Variants in UBE2E2 observed in about 807,000 individuals in gnomAD.
The protein encoded by UBE2E2 is ubiquitin-conjugating enzyme E2 E2.
Under a neutral mutation model 24.7 loss-of-function variants are expected in UBE2E2, and 6 were observed. The observed-to-expected ratio is 0.24, with a 90% confidence interval of 0.13 to 0.48. UBE2E2 has a LOEUF of 0.48. UBE2E2 is among the 20% of genes least tolerant of loss of function. The probability of loss-of-function intolerance (pLI) is 0.99; values close to 1 mark genes in which losing one functional copy is unlikely to be tolerated. For synonymous variants in UBE2E2, 104 were observed against 83.6 expected (o/e 1.24, Z -1.33); for missense variants, 169 against 245.0 (o/e 0.69, Z 2.07).
intron 2 of UBE2E2, among the ~76,000 whole-genome samples, chr3:23,209,719 C>G (rs899882142): frequency 6.6e-6 from 1 of 152,120 alleles, no homozygotes; most frequent in African/African-American, 2.4e-5. Flanking sequence ...GAACTCCTTT[C>G]TCAAAGATAA....
chr3:23,480,461 C>T (rs2125441659), intron 3 of UBE2E2, among the ~76,000 whole-genome samples: 1 of 152,266 alleles, frequency 6.6e-6, no homozygotes, highest in African/African-American at 2.4e-5. Flanking sequence ...GCACAGGGCT[C>T]CTGCCCCGCC....
chr3:23,392,235 T>C (rs1006714660), intron 3 of UBE2E2, among the ~76,000 whole-genome samples: 18 of 152,294 alleles, frequency 1.2e-4, no homozygotes, highest in African/African-American at 4.3e-4. Flanking sequence ...ATATATAACA[T>C]TATGCTAGCA....
intron 5 of UBE2E2, among the ~76,000 whole-genome samples, chr3:23,572,635 A>G (rs1380943689): frequency 1.3e-5 from 2 of 152,110 alleles, no homozygotes; most frequent in East Asian, 1.9e-4. Context: ...ACAATGCAGT[A>G]TTTGGTTTTC....
intron 3 of UBE2E2, among the ~76,000 whole-genome samples, chr3:23,373,528 TC>T (rs896652201): frequency 6.6e-6 from 1 of 152,044 alleles, no homozygotes; most frequent in Non-Finnish European, 1.5e-5. Context: ...GGAAAACACT[TC>T]CAGTTAAGTT....
intron 3 of UBE2E2, among the ~76,000 whole-genome samples, chr3:23,244,079 G>A (rs1300328476): frequency 6.1e-5 from 9 of 147,938 alleles, no homozygotes; most frequent in African/African-American, 2.2e-4. Flanking sequence ...TTTATAGGAA[G>A]AATATCAATT....
At chr3:23,560,819 GA>G (rs1695909695) in intron 5 of UBE2E2, among the ~76,000 whole-genome samples, 2 of 152,182 alleles carry the variant, frequency 1.3e-5, no homozygotes, top group South Asian at 4.1e-4. Context: ...GATGGCCAGT[GA>G]TGATGAGCAT....
At chr3:23,290,018 G>C (rs1698719701) in intron 3 of UBE2E2, among the ~76,000 whole-genome samples, 1 of 152,166 alleles carries the variant, frequency 6.6e-6, no homozygotes, top group Non-Finnish European at 1.5e-5. Flanking sequence ...CATTTCTAAG[G>C]GGAAATTTGA....
At chr3:23,454,422 G>A (rs1698630271) in intron 3 of UBE2E2, among the ~76,000 whole-genome samples, 1 of 152,150 alleles carries the variant, frequency 6.6e-6, no homozygotes, top group Admixed American at 6.5e-5. Flanking sequence ...CTTTAAGGGA[G>A]GTCTCATGTC....
At position 23,532,631 on chromosome 3, in the gene UBE2E2, C is replaced by T; in HGVS notation, c.438C>T (p.Asn146=). 2.5e-6 allele frequency: 4 copies of T among 1,579,424 alleles called. No individual in the cohort carries two copies. Among genetic ancestry groups the T allele is most frequent in the Non-Finnish European group, 3.5e-6 (4 of 1,155,882 alleles). ...TCTGTCTGGACATCTTAAAGGACAA[C>T]TGGAGTCCGGCTTTAACTATTTCTA... ...GVICLDILKD[N]WSPALTISKV... The change falls in exon 5 of 6, where the codon AAC becomes AAT. Residue 146 remains asparagine, a synonymous_variant. Coordinates refer to ENST00000396703, the MANE Select transcript of UBE2E2 (RefSeq NM_152653.4).
At chr3:23,533,072 T>G (rs1695162065) in intron 5 of UBE2E2, among the ~76,000 whole-genome samples, 1 of 152,224 alleles carries the variant, frequency 6.6e-6, no homozygotes, top group Non-Finnish European at 1.5e-5. Flanking sequence ...GAATGTGGGC[T>G]ATTAAAATCT....
At chr3:23,442,355 A>AC (rs139447193) in intron 3 of UBE2E2, among the ~76,000 whole-genome samples, 6,098 of 151,438 alleles carry the variant, frequency 0.04, 431 homozygotes, top group African/African-American at 0.14. Context: ...CTCCCACCCA[A>AC]CCCCCCAAAA....
intron 3 of UBE2E2, among the ~76,000 whole-genome samples, chr3:23,353,347 A>G (rs1237384547): frequency 1.3e-5 from 2 of 151,978 alleles, no homozygotes; most frequent in Non-Finnish European, 2.9e-5. Context: ...GCCCTCTCTC[A>G]CCACTCCTAT....
rs895441738 is a variant in UBE2E2 at position 23,383,572 on chromosome 3, G to T, written c.228-116036G>T. Among the ~76,000 whole-genome samples, 4 of 151,988 alleles carry T rather than the reference G, an allele frequency of 2.6e-5. No individual in the cohort carries two copies. The East Asian group carries it at 5.8e-4, about 22-fold the overall frequency. ...TTTAGGCATATTATGGATTAAATTG[G>T]CATCTGTCGGCCACTCTGTAAACCT... On this transcript the variant is annotated intron_variant, in intron 3 of 5. Transcript: ENST00000396703.
intron 3 of UBE2E2, among the ~76,000 whole-genome samples, chr3:23,333,071 T>C (rs1332219942): frequency 1.3e-5 from 2 of 152,144 alleles, no homozygotes; most frequent in East Asian, 1.9e-4. Flanking sequence ...CCCACTGATA[T>C]CTCTATATTG....
At chr3:23,425,665 A>G (rs566573326) in intron 3 of UBE2E2, among the ~76,000 whole-genome samples, 1 of 152,250 alleles carries the variant, frequency 6.6e-6, no homozygotes, top group South Asian at 2.1e-4. Context: ...ACTGCAATTG[A>G]TAAATTGCTG....
intron 2 of UBE2E2, among the ~76,000 whole-genome samples, chr3:23,214,908 T>C (rs1306665535): frequency 6.6e-6 from 1 of 152,100 alleles, no homozygotes; most frequent in Non-Finnish European, 1.5e-5. Context: ...TGGTTTTCTG[T>C]ACAACTCTTA....
chr3:23,483,549 CTTATGTGGATTTTATTA>C (rs1699299797), intron 3 of UBE2E2, among the ~76,000 whole-genome samples: 4 of 152,160 alleles, frequency 2.6e-5, no homozygotes, highest in Admixed American at 2.6e-4. Context: ...GGTGAATATT[CTTATGTGGATTTTATTA>C]TGTGTTTCCT....
At chr3:23,226,972 CAAAA>C (rs920959203) in intron 3 of UBE2E2, among the ~76,000 whole-genome samples, 1 of 81,698 alleles carries the variant, frequency 1.2e-5, no homozygotes. Flanking sequence ...CCATGAAGAC[CAAAA>C]AAAAAAAAAA....
chr3:23,441,425 G>A (rs529191491), intron 3 of UBE2E2, among the ~76,000 whole-genome samples: 5 of 150,050 alleles, frequency 3.3e-5, no homozygotes, highest in Non-Finnish European at 7.4e-5. Context: ...TGTAGTCCCA[G>A]CTACTCGGGA....
Sources: gnomAD v4.1 joint callset for allele counts (sites outside exome capture counted in the v4.1 genomes callset) on GRCh38, gnomAD v4.1.1 for gene constraint, MANE v1.5 for transcripts, NCBI Gene and HGNC (gene_info 2026-07-23, HGNC 2026-07-21) for gene names.